The following ATL2 variants were observed in gnomAD, a reference collection of about 807,000 sequenced individuals.
ATL2 encodes atlastin-2.
ATL2 carries 31 observed loss-of-function variants against 73.9 expected under a neutral mutation model. The observed-to-expected ratio is 0.42, with a 90% confidence interval of 0.32 to 0.57. The LOEUF (loss-of-function observed/expected upper bound fraction) is 0.57. ATL2 is among the 20% of genes least tolerant of loss of function. The probability of loss-of-function intolerance (pLI) is 0.14; values close to 1 mark genes in which losing one functional copy is unlikely to be tolerated. For missense variants in ATL2, 738 were observed against 702.6 expected (o/e 1.05, Z -0.57); for synonymous variants, 291 against 237.5 (o/e 1.23, Z -2.07).
chr2:38,333,781 A>G (rs1162890278), intron 2 of ATL2, among the ~76,000 whole-genome samples: 1 of 152,164 alleles, frequency 6.6e-6, no homozygotes, highest in Admixed American at 6.6e-5. Flanking sequence ...GTAACCAAGA[A>G]AGTCTCTCCT....
chr2:38,343,149 T>TAAAAA (rs59215933), intron 2 of ATL2, 119 bp downstream of exon 2: 13 of 364,516 alleles, frequency 3.6e-5, no homozygotes, highest in Admixed American at 1.0e-4. Flanking sequence ...CCACTTAAAT[T>TAAAAA]AAAAAAAAAA....
chr2:38,339,561 G>A (rs1558428310), intron 2 of ATL2, among the ~76,000 whole-genome samples: 2 of 151,852 alleles, frequency 1.3e-5, no homozygotes, highest in Non-Finnish European at 2.9e-5. Context: ...CTAATATTGT[G>A]TTAAAAATGA....
rs139019464 is a variant in ATL2, at chr2:38,294,089, G to A, written c.*1905C>T. ...GAAGAAATAAAAAGACACTTTTCAG[G>A]TGGATTCTTTAAGAACAGATAAGTT... On this transcript the variant is annotated 3_prime_UTR_variant, in exon 13 of 13. Transcript: ENST00000378954. Among the ~76,000 whole-genome samples, 1 of 152,172 alleles carries A rather than the reference G, an allele frequency of 6.6e-6. No individual in the cohort carries two copies. Among genetic ancestry groups the A allele is most frequent in the African/African-American group, 2.4e-5 (1 of 41,430 alleles).
intron 10 of ATL2, among the ~76,000 whole-genome samples, chr2:38,299,808 G>A (rs1023632558): frequency 4.6e-5 from 7 of 152,028 alleles, no homozygotes; most frequent in African/African-American, 9.7e-5. Context: ...ATATGAATGG[G>A]GTAAAATGAC....
At chr2:38,296,804 T>C (rs2148396671) in intron 12 of ATL2, 2 of 1,493,484 alleles carry the variant, frequency 1.3e-6, no homozygotes, top group East Asian at 2.5e-5. Context: ...ATACTGAAAA[T>C]GATTTTATAC....
intron 9 of ATL2, among the ~76,000 whole-genome samples, chr2:38,308,598 G>A (rs527884308): frequency 6.6e-6 from 1 of 152,006 alleles, no homozygotes; most frequent in African/African-American, 2.4e-5. Flanking sequence ...ATAACAAAGA[G>A]TATAATTGGA....
chr2:38,316,896 G>A (rs1668051698), intron 4 of ATL2, among the ~76,000 whole-genome samples: 1 of 152,070 alleles, frequency 6.6e-6, no homozygotes, highest in Non-Finnish European at 1.5e-5. Flanking sequence ...CTTGCTTCAA[G>A]GGAATCACAG....
In ATL2 at chr2:38,318,540, C is replaced by T. The variant is rs763147218; in HGVS notation, c.598G>A (p.Val200Ile). The T allele has an allele frequency of 3.8e-6, 6 of 1,590,368 alleles. No individual in the cohort carries two copies. The African/African-American group carries it at 6.8e-5, about 18-fold the overall frequency. The part of the protein sequence containing the change: ...VFALSTMTSS[V>I]QVYNLSQNIQ... ...CACTTAATCTTGTGTCTCACCTGGA[C>T]AGAGCTAGTCATAGTGCTCAGAGCA... The change falls in exon 4 of 13, where the codon GTC (valine) becomes ATC (isoleucine). Residue 200 changes from valine to isoleucine, a missense_variant. Transcript: ENST00000378954.
intron 9 of ATL2, among the ~76,000 whole-genome samples, chr2:38,306,320 G>C (rs1018031377): frequency 1.3e-5 from 2 of 152,102 alleles, no homozygotes; most frequent in African/African-American, 4.8e-5. Flanking sequence ...AACATTTAAA[G>C]AACTAATACC....
At position 38,334,878 on chromosome 2, in the gene ATL2, T is replaced by TTATATAATATATAATATATAA. The variant is rs983995163; in HGVS notation, c.363+8389_363+8390insTTATATATTATATATTATATA. On this transcript the variant is annotated intron_variant, in intron 2 of 12. Transcript: ENST00000378954. The stretch of plus-strand genomic sequence containing the variant: ...ATATTTATATATTATATAATATATA[T>TTATATAATATATAATATATAA]TATATAATATATAATATATATTATT... 3.7e-5 allele frequency among the ~76,000 whole-genome samples: 5 copies of TTATATAATATATAATATATAA among 134,772 alleles called. No individual in the cohort carries two copies. In the East Asian group the frequency reaches 1.0e-3, roughly 28 times the overall value. The allele number at this position is 134,772 out of a possible 152,430, so 88.4% of individuals were successfully genotyped here.
chr2:38,337,035 C>G (rs1669397239), intron 2 of ATL2, among the ~76,000 whole-genome samples: 1 of 152,024 alleles, frequency 6.6e-6, no homozygotes, highest in Non-Finnish European at 1.5e-5. Flanking sequence ...TCTGCAAATC[C>G]AGAGTGGGAA....
intron 12 of ATL2, chr2:38,296,675 A>G: frequency 6.4e-7 from 1 of 1,568,654 alleles, no homozygotes; most frequent in African/African-American, 1.4e-5. Flanking sequence ...TTGAGACTGT[A>G]GGTTTCTCAC....
rs1359658359 is a variant in ATL2 at position 38,295,332 on chromosome 2, T to C, written c.*662A>G. On this transcript the variant is annotated 3_prime_UTR_variant, in exon 13 of 13. Transcript: ENST00000378954. ...CCAATAAAATTAATGGCATATTTTA[T>C]ATACATGAAGGCTAAACTGCAAAAA... 2.0e-5 allele frequency: 3 copies of C among 152,266 alleles called. No individual in the cohort carries two copies. Among genetic ancestry groups the C allele is most frequent in the East Asian group, 1.9e-4 (1 of 5,208 alleles). The allele number at this position is 152,266 out of a possible 1,614,324, so 9.4% of individuals were successfully genotyped here.
At position 38,313,152 on chromosome 2, in the gene ATL2, T is replaced by C; in HGVS notation, c.803A>G (p.Gln268Arg). 6.2e-7 allele frequency: 1 copy of C among 1,608,718 alleles called. No individual in the cohort carries two copies. Among genetic ancestry groups the C allele is most frequent in the Non-Finnish European group, 8.5e-7 (1 of 1,175,588 alleles). The change falls in exon 7 of 13, where the codon CAG (glutamine) becomes CGG (arginine). Residue 268 changes from glutamine (Q) to arginine (R), a missense_variant and splice_region_variant. Gln to Arg is a conservative substitution (Grantham distance 43). Transcript: ENST00000378954. The stretch of plus-strand genomic sequence containing the variant: ...CCTCTTTAAGCATTAGGGTCTTACC[T>C]GTAATCTCTTTTCAAGAAATTGCTT... ...GGKQFLEKRL[Q>R]VKQNQHEELQ...
chr2:38,303,361 A>C (rs558023185), intron 9 of ATL2, among the ~76,000 whole-genome samples: 1 of 152,140 alleles, frequency 6.6e-6, no homozygotes, highest in African/African-American at 2.4e-5. Flanking sequence ...GTGCGCCATC[A>C]TGCCTGGCTA....
intron 1 of ATL2, among the ~76,000 whole-genome samples, chr2:38,371,198 TA>T (rs556240788): frequency 7.8e-3 from 1,088 of 139,540 alleles, no homozygotes; most frequent in East Asian, 8.4e-3. Context: ...TCTCTTTAAT[TA>T]AAAAAAAAAA....
At position 38,310,378 on chromosome 2, in the gene ATL2, C is replaced by G; in HGVS notation, c.874G>C (p.Gly292Arg). 1 of 1,609,066 alleles carries G rather than the reference C, an allele frequency of 6.2e-7. No individual in the cohort carries two copies. Among genetic ancestry groups the G allele is most frequent in the Non-Finnish European group, 8.5e-7 (1 of 1,177,996 alleles). The change falls in exon 8 of 13, where the codon GGT becomes CGT. Residue 292 changes from glycine to arginine, a missense_variant. By Grantham distance (125) the Gly-to-Arg change is moderately radical (BLOSUM62 -2). Transcript: ENST00000378954. Reference sequence around the variant, plus strand: ...CCAGGATGTGGCAAAAGGAAGCAACCAAGATTTGAGAAACAATTGTGTATG... The same window carrying G: ...CCAGGATGTGGCAAAAGGAAGCAACGAAGATTTGAGAAACAATTGTGTATG... ...KHIHNCFSNL[G>R]CFLLPHPGLK...
In ATL2 at chr2:38,295,893, T is replaced by C; in HGVS notation, c.*101A>G. 2.0e-6 allele frequency: 2 copies of C among 1,013,186 alleles called. No homozygotes were observed. The highest frequency in any genetic ancestry group is 3.3e-5 in the South Asian group (2 of 60,400). 62.8% of individuals were successfully genotyped at this position (1,013,186 alleles called of 1,614,324 possible). On this transcript the variant is annotated 3_prime_UTR_variant, in exon 13 of 13. Transcript: ENST00000378954. ...TGTGAAGCCAGTTACACTAAACTAC[T>C]TCTACAGTTGATTGTAAACTTTGGT...
chr2:38,299,256 CT>C lies in ATL2; in HGVS notation c.1199del (p.Gln400ArgfsTer27). 1 of 1,507,654 alleles carries C rather than the reference CT, an allele frequency of 6.6e-7. No homozygotes were observed. The highest frequency in any genetic ancestry group is 8.8e-7 in the Non-Finnish European group (1 of 1,138,416). 93.4% of individuals were successfully genotyped at this position (1,507,654 alleles called of 1,614,324 possible). A position where few individuals can be genotyped will look rare whatever the true frequency, so the allele number is the denominator to read the frequency against. ...TCAAATTTAAATTTTAGGTACAAAC[CT>C]GTTCCATACTTTTACAATAGGTATC... ...ARDTYCKSMEQVCGGDKPYIA... is the reference protein window; with the variant it reads ...ARDTYCKSMEXVCGGDKPYIA... On this transcript the variant is annotated frameshift_variant and splice_region_variant, in exon 11 of 13. Coordinates refer to ENST00000378954, the MANE Select transcript of ATL2 (RefSeq NM_001135673.4). LOFTEE classifies it high-confidence loss of function.
Sources: allele counts gnomAD v4.1 joint callset (sites outside exome capture counted in the v4.1 genomes callset), GRCh38; gene constraint gnomAD v4.1.1; transcripts MANE v1.5; gene names NCBI Gene and HGNC (gene_info 2026-07-23, HGNC 2026-07-21).